Variants in PCNT observed in about 807,000 individuals in gnomAD.
PCNT encodes kendrin.
Under a neutral mutation model 380.4 loss-of-function variants are expected in PCNT, and 319 were observed. The observed-to-expected ratio is 0.84, with a 90% CI of 0.77 to 0.92. The LOEUF (loss-of-function observed/expected upper bound fraction) is 0.92. Ranked by LOEUF, PCNT falls within the 40% of genes least tolerant of loss-of-function variation. PCNT has a pLI of 0.00. For missense variants in PCNT, 4,400 were observed against 4,255.3 expected (o/e 1.03, Z -0.95); for synonymous variants, 1,845 against 1,735.2 (o/e 1.06, Z -1.57).
At chr21:46,444,428 G>A (rs529878894) in intron 45 of PCNT, among the ~76,000 whole-genome samples, 3 of 152,290 alleles carry the variant, frequency 2.0e-5, no homozygotes, top group South Asian at 2.1e-4. Context: ...CAGAATCCAG[G>A]TTGGGTAATA....
intron 37 of PCNT, chr21:46,430,969 C>A: frequency 1.0e-6 from 1 of 985,442 alleles, no homozygotes; most frequent in Non-Finnish European, 1.2e-6. Context: ...AGCACAGCCT[C>A]AGAGGTCTGT....
At chr21:46,359,860 CCTTTTTTTTTTT>C (rs1287713635) in intron 13 of PCNT, among the ~76,000 whole-genome samples, 1 of 151,204 alleles carries the variant, frequency 6.6e-6, no homozygotes, top group East Asian at 1.9e-4. Context: ...ATTCGTTTTA[CCTTTTTTTTTTT>C]CTTTTTTTTT....
intron 15 of PCNT, among the ~76,000 whole-genome samples, chr21:46,368,380 G>A (rs1327665598): frequency 3.9e-5 from 6 of 151,976 alleles, no homozygotes; most frequent in East Asian, 1.9e-4. Flanking sequence ...CCCGGGAGGC[G>A]GAGCTTGCAG....
intron 15 of PCNT, among the ~76,000 whole-genome samples, chr21:46,375,988 G>A (rs2085322218): frequency 1.3e-5 from 2 of 152,342 alleles, no homozygotes; most frequent in African/African-American, 2.4e-5. Context: ...GCCAGTGGGT[G>A]GAGGGAGCGC....
chr21:46,331,686 C>T (rs2083565984), intron 2 of PCNT, among the ~76,000 whole-genome samples: 3 of 151,888 alleles, frequency 2.0e-5, no homozygotes, highest in Non-Finnish European at 2.9e-5. Context: ...GGATCACCTG[C>T]GCCCAGGAGT....
chr21:46,353,947 G>A (rs1197934275), intron 10 of PCNT, 40 bp from the exon 11 acceptor site: 2 of 1,529,794 alleles, frequency 1.3e-6, no homozygotes, highest in Non-Finnish European at 1.8e-6. Context: ...ATGGAAAAGG[G>A]GTACGTGTGT....
In PCNT at chr21:46,430,233, G is replaced by T; in HGVS notation, c.7913+1G>T. 1 of 1,611,508 alleles carries T rather than the reference G, an allele frequency of 6.2e-7. No homozygotes were observed. The highest frequency in any genetic ancestry group is 8.5e-7 in the Non-Finnish European group (1 of 1,178,748). ...TGCAGCAGGAGGTCCTCCAGCTGAG[G>T]TGCGCCTGATCCCCCTTCCTGGGAC... On this transcript the variant is annotated splice_donor_variant, in intron 36 of 46. Coordinates refer to ENST00000359568, the MANE Select transcript of PCNT (RefSeq NM_006031.6). LOFTEE classifies it high-confidence loss of function.
chr21:46,346,065 G>C (rs1262906708), intron 3 of PCNT, 63 bp from the exon 4 acceptor site: 3 of 1,482,518 alleles, frequency 2.0e-6, no homozygotes, highest in South Asian at 2.3e-5. Context: ...GTCAGTTCTT[G>C]AGCACATCAC....
chr21:46,428,320 G>C, intron 34 of PCNT, 75 bp from the exon 35 acceptor site: 1 of 1,375,614 alleles, frequency 7.3e-7, no homozygotes, highest in Non-Finnish European at 1.0e-6. Context: ...CTGGTTTTGA[G>C]GGCGGGCAGC....
At position 46,326,431 on chromosome 21, in the gene PCNT, A is replaced by C; in HGVS notation, c.109A>C (p.Lys37Gln). Residue 37 changes from lysine (K) to glutamine (Q), a missense_variant, in exon 2 of 47, where the codon AAG (lysine) becomes CAG (glutamine). By Grantham distance (53) the Lys-to-Gln change is moderately conservative. Coordinates refer to ENST00000359568, the MANE Select transcript of PCNT (RefSeq NM_006031.6). ...TKGDSSHSEK[K>Q]TAKRKGSAVD... ...AGGTGACAGTTCGCATTCGGAGAAA[A>C]AGACGGCGAAGAGGAAGGGCTCGGC... The C allele has an allele frequency of 1.9e-6, 3 of 1,614,218 alleles. No individual in the cohort carries two copies. Among genetic ancestry groups the C allele is most frequent in the Non-Finnish European group, 2.5e-6 (3 of 1,180,036 alleles).
At position 46,388,799 on chromosome 21, in the gene PCNT, G is replaced by A. The variant is rs761873477; in HGVS notation, c.3522G>A (p.Arg1174=). The change falls in exon 18 of 47, where the codon AGG becomes AGA. Residue 1174 remains arginine (R), a synonymous_variant. Coordinates refer to ENST00000359568, the MANE Select transcript of PCNT (RefSeq NM_006031.6). This position sits in a 1 kb window ranked among gnomAD's most constrained non-coding sequence, Gnocchi z 4.2. ...RLLGLFGETL[R]AAVTLRSRIG... is the part of the protein sequence containing the mutation. ...TGGGTTTGTTTGGAGAGACGCTGAG[G>A]GCAGCCGTCACCCTGAGGAGCCGGA... 1 of 1,613,640 alleles carries A rather than the reference G, an allele frequency of 6.2e-7. No individual in the cohort carries two copies. Among genetic ancestry groups the A allele is most frequent in the South Asian group, 1.1e-5 (1 of 91,074 alleles).
chr21:46,398,106 G>GC lies in PCNT; in HGVS notation c.4542dup (p.Trp1515LeufsTer16). The GC allele has an allele frequency of 6.2e-7, 1 of 1,604,192 alleles. No individual in the cohort carries two copies. The highest frequency in any genetic ancestry group is 1.1e-5 in the South Asian group (1 of 89,790). ...AGCTCCGCCAGGCGGCCAAGCCGCAGCCCTGGGGCCCTCGCGACAGCCAGG... is the reference window on the plus strand; with the variant it reads ...AGCTCCGCCAGGCGGCCAAGCCGCAGCCCCTGGGGCCCTCGCGACAGCCAGG... On this transcript the variant is annotated frameshift_variant, in exon 23 of 47. Transcript: ENST00000359568. LOFTEE classifies it high-confidence loss of function.
chr21:46,346,735 C>T lies in PCNT; in HGVS notation c.721-8C>T, dbSNP rs773631067. The T allele has an allele frequency of 1.8e-5, 29 of 1,593,536 alleles. No homozygotes were observed. In the African/African-American group the frequency reaches 2.7e-4, roughly 15 times the overall value. ...GGGCCCTTATCAGAGGCCTTTTCTC[C>T]GCCGCAGGCCGTGCATGGCCTTGAG... is the stretch of plus-strand genomic sequence containing the variant. On this transcript the variant is annotated splice_polypyrimidine_tract_variant and splice_region_variant and intron_variant, in intron 4 of 46. Coordinates refer to ENST00000359568, the MANE Select transcript of PCNT (RefSeq NM_006031.6).
chr21:46,360,444 C>T (rs192957574), intron 13 of PCNT, among the ~76,000 whole-genome samples: 45 of 143,586 alleles, frequency 3.1e-4, no homozygotes, highest in African/African-American at 9.6e-4. Context: ...AGGATGTTCT[C>T]GATCTCCTGA....
chr21:46,414,239 T>A (rs999607712), intron 29 of PCNT, among the ~76,000 whole-genome samples: 10 of 152,028 alleles, frequency 6.6e-5, no homozygotes, highest in Non-Finnish European at 8.8e-5. Context: ...TGATCCACCC[T>A]CCTCAGCCTC....
chr21:46,386,993 CTG>C, intron 17 of PCNT, among the ~76,000 whole-genome samples: 1 of 151,970 alleles, frequency 6.6e-6, no homozygotes, highest in Non-Finnish European at 1.5e-5. Flanking sequence ...CTGCTCCCGT[CTG>C]TCTGTCCCCG....
intron 15 of PCNT, among the ~76,000 whole-genome samples, chr21:46,376,775 T>C (rs968225001): frequency 6.6e-6 from 1 of 152,166 alleles, no homozygotes; most frequent in African/African-American, 2.4e-5. Context: ...ATGGTTGGGG[T>C]ATCAGCAAGG....
intron 21 of PCNT, among the ~76,000 whole-genome samples, chr21:46,396,616 A>T (rs143458474): frequency 0.034 from 5,117 of 152,228 alleles, 147 homozygotes; most frequent in Middle Eastern, 0.082. Flanking sequence ...TTATTTATTT[A>T]TTTATTTGAA....
chr21:46,378,711 T>G (rs2147102471), intron 15 of PCNT, among the ~76,000 whole-genome samples: 1 of 152,356 alleles, frequency 6.6e-6, no homozygotes, highest in Admixed American at 6.5e-5. Flanking sequence ...TATATTGAGT[T>G]ATTTTCTTAG....
Sources: allele counts gnomAD v4.1 joint callset (sites outside exome capture counted in the v4.1 genomes callset), GRCh38; gene constraint gnomAD v4.1.1; non-coding constraint Gnocchi (gnomAD v3.1); transcripts MANE v1.5; gene names NCBI Gene and HGNC (gene_info 2026-07-23, HGNC 2026-07-21).